The following KCNK2 variants were observed in gnomAD, a reference collection of about 807,000 sequenced individuals.
The protein encoded by KCNK2 is potassium two pore domain channel subfamily K member 2.
Under a neutral mutation model 40.5 loss-of-function variants are expected in KCNK2, and 21 were observed. The ratio of observed to expected loss-of-function variants is 0.52; its 90% CI spans 0.37 to 0.75. KCNK2 has a LOEUF of 0.75. Among genes scored for constraint, KCNK2 ranks in the 30% least tolerant of loss-of-function variants. The probability of loss-of-function intolerance (pLI) is 0.00; values close to 1 mark genes in which losing one functional copy is unlikely to be tolerated. For synonymous variants in KCNK2, 191 were observed against 202.2 expected (o/e 0.94, Z 0.47); for missense variants, 399 against 531.6 (o/e 0.75, Z 2.45).
intron 2 of KCNK2, among the ~76,000 whole-genome samples, chr1:215,108,265 C>A (rs998871572): frequency 6.6e-6 from 1 of 151,966 alleles, no homozygotes; most frequent in Non-Finnish European, 1.5e-5. Context: ...GGGCTGGGGA[C>A]CCCTGTTATA....
chr1:215,005,995 C>G, intron 1 of KCNK2: 1 of 1,555,528 alleles, frequency 6.4e-7, no homozygotes, highest in Non-Finnish European at 8.9e-7. Context: ...TATTTGTTTT[C>G]AAATTTTCTA....
chr1:215,017,605 A>T (rs2841609), intron 1 of KCNK2, among the ~76,000 whole-genome samples: 84,984 of 151,784 alleles, frequency 0.56, 25,469 homozygotes, highest in South Asian at 0.78. Flanking sequence ...GATTAGAGAG[A>T]TGTTGGTCAA....
chr1:215,054,870 G>T (rs767921482), intron 1 of KCNK2, among the ~76,000 whole-genome samples: 1 of 152,102 alleles, frequency 6.6e-6, no homozygotes, highest in African/African-American at 2.4e-5. Flanking sequence ...TTCCCACAAG[G>T]TTTGTTTCTA....
intron 3 of KCNK2, among the ~76,000 whole-genome samples, chr1:215,129,578 A>G (rs775247185): frequency 6.6e-6 from 1 of 152,188 alleles, no homozygotes; most frequent in African/African-American, 2.4e-5. Flanking sequence ...TAAATCAGCT[A>G]TGTAAAGAAA....
chr1:215,177,740 A>ATATATATTT lies in KCNK2; in HGVS notation c.823+5558_823+5559insATATATTTT, dbSNP rs71167812. Among the ~76,000 whole-genome samples the ATATATATTT allele has an allele frequency of 1.0e-2, 1,015 of 101,544 alleles. 10 individuals carry two copies. The highest frequency in any genetic ancestry group is 0.015 in the Middle Eastern group (2 of 134). The allele number at this position is 101,544 out of a possible 152,430, so 66.6% of individuals were successfully genotyped here. The stretch of plus-strand genomic sequence containing the variant: ...TATATGTGTATATATATATATATAT[A>ATATATATTT]TTTTTTTTTTTTGTAGCAGTACCAT... On this transcript the variant is annotated intron_variant, in intron 5 of 6. Transcript: ENST00000444842.
chr1:215,059,129 G>GTA lies in KCNK2; in HGVS notation c.35-27230_35-27229dup, dbSNP rs1387745178. Among the ~76,000 whole-genome samples the GTA allele has an allele frequency of 5.3e-5, 7 of 131,040 alleles. No homozygotes were observed. The East Asian group carries it at 6.5e-4, about 12-fold the overall frequency. The allele number at this position is 131,040 out of a possible 152,430, so 86.0% of individuals were successfully genotyped here. ...CACACACATACATATATATATTCGT[G>GTA]TATATATATACACACACATATATAT... On this transcript the variant is annotated intron_variant, in intron 1 of 6. Transcript: ENST00000391895.
chr1:215,108,965 A>G (rs1258519648), intron 2 of KCNK2, among the ~76,000 whole-genome samples: 7 of 151,902 alleles, frequency 4.6e-5, no homozygotes, highest in Non-Finnish European at 1.0e-4. Flanking sequence ...TGCTATTACC[A>G]TTTTGTTTTT....
chr1:215,150,809 C>A (rs1219149816), intron 3 of KCNK2, among the ~76,000 whole-genome samples: 1 of 151,816 alleles, frequency 6.6e-6, no homozygotes, highest in Non-Finnish European at 1.5e-5. Flanking sequence ...ATTCCACGCA[C>A]AACTAATATA....
intron 6 of KCNK2, among the ~76,000 whole-genome samples, chr1:215,201,462 G>C (rs567928584): frequency 6.6e-6 from 1 of 152,280 alleles, no homozygotes; most frequent in East Asian, 1.9e-4. Flanking sequence ...AAGGGCAACA[G>C]TCACAGTGTT....
intron 6 of KCNK2, among the ~76,000 whole-genome samples, chr1:215,218,313 C>T (rs2102696760): frequency 6.6e-6 from 1 of 152,206 alleles, no homozygotes; most frequent in South Asian, 2.1e-4. Context: ...GGAAACTTCC[C>T]CAAGAGGATG....
At chr1:215,074,932 G>T (rs7550501) in intron 1 of KCNK2, among the ~76,000 whole-genome samples, 144,700 of 152,150 alleles carry the variant, frequency 0.95, 69,235 homozygotes, top group East Asian at 1. Context: ...ACTTATTCTG[G>T]TATAACAGAG....
intron 6 of KCNK2, among the ~76,000 whole-genome samples, chr1:215,210,114 A>G (rs1571735599): frequency 7.2e-6 from 1 of 138,912 alleles, no homozygotes; most frequent in East Asian, 2.0e-4. Flanking sequence ...TACTATACAT[A>G]CTATATATAA....
intron 4 of KCNK2, among the ~76,000 whole-genome samples, chr1:215,169,755 C>T (rs1042778907): frequency 2.0e-5 from 3 of 151,714 alleles, no homozygotes; most frequent in East Asian, 1.9e-4. Flanking sequence ...AAGCAATTCT[C>T]GTGCCTCAGC....
At chr1:215,193,764 A>G (rs1382152576) in intron 5 of KCNK2, among the ~76,000 whole-genome samples, 1 of 152,126 alleles carries the variant, frequency 6.6e-6, no homozygotes, top group Non-Finnish European at 1.5e-5. Flanking sequence ...TGGAGTTAAG[A>G]TCAAATCTTT....
At chr1:215,119,968 G>A (rs1237710843) in intron 2 of KCNK2, among the ~76,000 whole-genome samples, 2 of 152,098 alleles carry the variant, frequency 1.3e-5, no homozygotes, top group East Asian at 1.9e-4. Flanking sequence ...TGTGGATGTT[G>A]ACCAAGACAC....
chr1:215,198,059 T>C (rs1444901639), intron 6 of KCNK2, among the ~76,000 whole-genome samples: 2 of 152,200 alleles, frequency 1.3e-5, no homozygotes, highest in South Asian at 2.1e-4. Flanking sequence ...TCCCTACTTA[T>C]GAGTGATCTT....
chr1:215,214,327 C>T (rs1429099418), intron 6 of KCNK2, among the ~76,000 whole-genome samples: 2 of 152,098 alleles, frequency 1.3e-5, no homozygotes, highest in East Asian at 3.9e-4. Flanking sequence ...CTTACAGTAA[C>T]TCACTCACTA....
chr1:215,110,754 C>G (rs1660647645), intron 2 of KCNK2, among the ~76,000 whole-genome samples: 1 of 99,680 alleles, frequency 1.0e-5, no homozygotes, highest in African/African-American at 2.6e-5. Context: ...TCCCTGCCCC[C>G]ACACATGCAT....
chr1:215,005,753 A>T, upstream of KCNK2: 1 of 601,286 alleles, frequency 1.7e-6, no homozygotes, highest in Non-Finnish European at 3.0e-6. Context: ...GTGTTTTTGT[A>T]CAGGAAACTG....
Sources: allele counts gnomAD v4.1 joint callset (sites outside exome capture counted in the v4.1 genomes callset), GRCh38; gene constraint gnomAD v4.1.1; transcripts MANE v1.5; gene names NCBI Gene and HGNC (gene_info 2026-07-23, HGNC 2026-07-21).